PTPRT: variants seen among roughly 807,000 people sequenced by gnomAD.
PTPRT encodes protein tyrosine phosphatase receptor type T, also known as receptor-type tyrosine-protein phosphatase T.
A neutral mutation model predicts 176.8 loss-of-function variants in PTPRT; 56 were observed. The observed-to-expected ratio is 0.32, with a 90% CI of 0.26 to 0.40. PTPRT has a LOEUF of 0.40. Ranked by LOEUF, PTPRT falls within the 10% of genes least tolerant of loss-of-function variation. PTPRT has a pLI of 1.00. For missense variants in PTPRT, 1,540 were observed against 1,908.2 expected (o/e 0.81, Z 3.60); for synonymous variants, 783 against 739.0 (o/e 1.06, Z -0.96).
chr20:42,259,138 G>A (rs2056700810), intron 13 of PTPRT, among the ~76,000 whole-genome samples: 1 of 152,206 alleles, frequency 6.6e-6, no homozygotes, highest in Non-Finnish European at 1.5e-5. Flanking sequence ...CTCAAGTGCT[G>A]ATTTTGCTTG....
chr20:42,716,974 G>A (rs1260118658), intron 6 of PTPRT, among the ~76,000 whole-genome samples: 1 of 151,152 alleles, frequency 6.6e-6, no homozygotes. Context: ...CTCATAGGTG[G>A]GAATTGAACA....
At chr20:42,627,295 A>G (rs1162074687) in intron 7 of PTPRT, among the ~76,000 whole-genome samples, 1 of 151,056 alleles carries the variant, frequency 6.6e-6, no homozygotes, top group Non-Finnish European at 1.5e-5. Context: ...TTTATTTTTT[A>G]TTTTTTTAAG....
intron 16 of PTPRT, among the ~76,000 whole-genome samples, chr20:42,196,729 A>G (rs1201041097): frequency 6.6e-6 from 1 of 152,206 alleles, no homozygotes; most frequent in Admixed American, 6.5e-5. Flanking sequence ...TATGAGTCTC[A>G]GTGATTTATC....
At chr20:42,717,755 A>T (rs2076246946) in intron 6 of PTPRT, among the ~76,000 whole-genome samples, 1 of 152,256 alleles carries the variant, frequency 6.6e-6, no homozygotes, top group Non-Finnish European at 1.5e-5. Context: ...TGATATGTAT[A>T]CAAGGACTCA....
At chr20:43,063,831 G>C (rs915701334) in intron 1 of PTPRT, among the ~76,000 whole-genome samples, 1 of 152,142 alleles carries the variant, frequency 6.6e-6, no homozygotes, top group Non-Finnish European at 1.5e-5. Flanking sequence ...CAGGTGTTAG[G>C]CTCCATTCTG....
chr20:42,158,616 C>A (rs1989457109), intron 17 of PTPRT, among the ~76,000 whole-genome samples: 1 of 152,132 alleles, frequency 6.6e-6, no homozygotes, highest in African/African-American at 2.4e-5. Flanking sequence ...AGGAGGATTA[C>A]CGAGATATCA....
intron 7 of PTPRT, among the ~76,000 whole-genome samples, chr20:42,675,682 A>G (rs1383358937): frequency 6.6e-6 from 1 of 152,258 alleles, no homozygotes; most frequent in Non-Finnish European, 1.5e-5. Context: ...TGAGCAGCAC[A>G]GTAGACTCAG....
chr20:43,050,514 C>A (rs1223940898), intron 1 of PTPRT, among the ~76,000 whole-genome samples: 2 of 152,186 alleles, frequency 1.3e-5, no homozygotes, highest in Non-Finnish European at 2.9e-5. Context: ...ACAGACCCAG[C>A]CCTGGGCCAG....
At chr20:42,111,266 CCAGAGAA>C (rs1239056094) in intron 22 of PTPRT, among the ~76,000 whole-genome samples, 1 of 151,970 alleles carries the variant, frequency 6.6e-6, no homozygotes, top group African/African-American at 2.4e-5. Flanking sequence ...CTGCAGATAC[CCAGAGAA>C]CACTGAATAG....
Position 42,787,627 on chromosome 20 carries a change from G to T in PTPRT, c.486+3568C>A, listed in dbSNP as rs139403510. Among the ~76,000 whole-genome samples, 142 of 152,348 alleles carry T rather than the reference G, an allele frequency of 9.3e-4. 1 individual carries two copies. The highest frequency in any genetic ancestry group is 3.3e-3 in the African/African-American group (137 of 41,590). On this transcript the variant is annotated intron_variant, in intron 3 of 30. Transcript: ENST00000373187. ...ATACACTGGGTATTCTTCCCAGAATGTACAAGCAAGATCTGATCCCCTTGT... is the reference window on the plus strand; with the variant it reads ...ATACACTGGGTATTCTTCCCAGAATTTACAAGCAAGATCTGATCCCCTTGT...
intron 11 of PTPRT, among the ~76,000 whole-genome samples, chr20:42,319,902 G>C (rs1413489566): frequency 6.6e-6 from 1 of 152,060 alleles, no homozygotes; most frequent in Non-Finnish European, 1.5e-5. Context: ...AATCTATTCA[G>C]AATCATTTTT....
At chr20:42,336,990 G>A (rs986562160) in intron 11 of PTPRT, among the ~76,000 whole-genome samples, 3 of 152,074 alleles carry the variant, frequency 2.0e-5, no homozygotes, top group Admixed American at 6.6e-5. Context: ...AGGGGGCCTC[G>A]CAGCTACTTC....
At chr20:43,165,619 G>A (rs1360332618) in intron 1 of PTPRT, among the ~76,000 whole-genome samples, 3 of 152,152 alleles carry the variant, frequency 2.0e-5, no homozygotes, top group African/African-American at 4.8e-5. Flanking sequence ...ACAGCAGTAT[G>A]AGAACAGACT....
chr20:42,237,088 C>T (rs190813991), intron 14 of PTPRT, among the ~76,000 whole-genome samples: 6 of 152,300 alleles, frequency 3.9e-5, no homozygotes, highest in Admixed American at 3.9e-4. Context: ...AATGTCCCAC[C>T]AGCCCCCAGC....
chr20:42,267,706 C>T (rs1000493056), intron 13 of PTPRT, among the ~76,000 whole-genome samples: 1 of 152,052 alleles, frequency 6.6e-6, no homozygotes, highest in Non-Finnish European at 1.5e-5. Context: ...CCCCTGCCAC[C>T]GGCCCCCAAC....
At chr20:42,689,977 A>G (rs2075766036) in intron 6 of PTPRT, among the ~76,000 whole-genome samples, 1 of 152,184 alleles carries the variant, frequency 6.6e-6, no homozygotes, top group South Asian at 2.1e-4. Context: ...AGCAGCAATC[A>G]AAAACTAATA....
intron 11 of PTPRT, among the ~76,000 whole-genome samples, chr20:42,343,563 A>C (rs1280480228): frequency 6.6e-6 from 1 of 151,840 alleles, no homozygotes; most frequent in Non-Finnish European, 1.5e-5. Context: ...GCCCTTTGGC[A>C]ATGAGATACT....
chr20:43,127,331 G>A (rs1162296648), intron 1 of PTPRT, among the ~76,000 whole-genome samples: 9 of 151,556 alleles, frequency 5.9e-5, no homozygotes. Context: ...GCTGAGGCAG[G>A]AGAATGGCGT....
At chr20:42,634,736 G>C (rs942259353) in intron 7 of PTPRT, among the ~76,000 whole-genome samples, 4 of 152,090 alleles carry the variant, frequency 2.6e-5, no homozygotes, top group African/African-American at 4.8e-5. Flanking sequence ...ATTTTAGAGA[G>C]ATGAAAAAGA....
Sources: gnomAD v4.1 joint callset for allele counts (sites outside exome capture counted in the v4.1 genomes callset) on GRCh38, gnomAD v4.1.1 for gene constraint, MANE v1.5 for transcripts, NCBI Gene and HGNC (gene_info 2026-07-23, HGNC 2026-07-21) for gene names.